RBKS: variants seen among roughly 807,000 people sequenced by gnomAD.
RBKS encodes ribokinase.
A neutral mutation model predicts 33.9 loss-of-function variants in RBKS; 33 were observed. The ratio of observed to expected loss-of-function variants is 0.97; its 90% CI spans 0.74 to 1.30. RBKS has a LOEUF of 1.30. RBKS is among the 50% of genes most tolerant of loss of function. The pLI is 0.00. For synonymous variants in RBKS, 125 were observed against 143.0 expected (o/e 0.87, Z 0.90); for missense variants, 361 against 392.6 (o/e 0.92, Z 0.68).
intron 1 of RBKS, among the ~76,000 whole-genome samples, chr2:27,862,641 T>G (rs925660840): frequency 3.6e-4 from 55 of 152,064 alleles, no homozygotes; most frequent in African/African-American, 1.3e-3. Flanking sequence ...GTCAAATACC[T>G]TTGTATACGC....
At chr2:27,858,144 T>C (rs1330117926) in intron 2 of RBKS, among the ~76,000 whole-genome samples, 1 of 152,148 alleles carries the variant, frequency 6.6e-6, no homozygotes, top group Non-Finnish European at 1.5e-5. Context: ...TTATATGAAA[T>C]GTCCCGAATA....
chr2:27,866,282 A>G (rs1405304121), intron 1 of RBKS, among the ~76,000 whole-genome samples: 1 of 152,142 alleles, frequency 6.6e-6, no homozygotes, highest in African/African-American at 2.4e-5. Flanking sequence ...TCTGCAATCA[A>G]TCTTTGTTCC....
At chr2:27,867,519 G>T (rs1664125568) in intron 1 of RBKS, among the ~76,000 whole-genome samples, 1 of 152,038 alleles carries the variant, frequency 6.6e-6, no homozygotes, top group South Asian at 2.1e-4. Context: ...GACGAAAAGG[G>T]GCACATCCTT....
chr2:27,867,851 A>G (rs1030782379), intron 1 of RBKS, among the ~76,000 whole-genome samples: 3 of 152,198 alleles, frequency 2.0e-5, no homozygotes, highest in African/African-American at 7.2e-5. Context: ...TATGTGTACA[A>G]GAACTGGAAA....
At chr2:27,827,052 A>G (rs2148202256) in intron 7 of RBKS, among the ~76,000 whole-genome samples, 1 of 152,372 alleles carries the variant, frequency 6.6e-6, no homozygotes, top group Non-Finnish European at 1.5e-5. Context: ...AGCATGCAGT[A>G]AATGTTAGCT....
intron 5 of RBKS, among the ~76,000 whole-genome samples, chr2:27,838,898 A>G (rs1468347200): frequency 6.6e-6 from 1 of 152,222 alleles, no homozygotes; most frequent in African/African-American, 2.4e-5. Context: ...AATAATGTCA[A>G]TAAGGAACTG....
chr2:27,855,431 T>C (rs1336724939), intron 2 of RBKS, among the ~76,000 whole-genome samples: 1 of 152,230 alleles, frequency 6.6e-6, no homozygotes, highest in Non-Finnish European at 1.5e-5. Flanking sequence ...AGTTCCTTAC[T>C]TGACCATGGT....
At chr2:27,829,363 GT>G (rs35216618) in intron 6 of RBKS, among the ~76,000 whole-genome samples, 324 of 107,354 alleles carry the variant, frequency 3.0e-3, no homozygotes, top group African/African-American at 9.2e-3. Flanking sequence ...GCTTTTCAGT[GT>G]TTTTTTTTTT....
intron 1 of RBKS, chr2:27,861,345 A>C: frequency 2.5e-6 from 1 of 403,038 alleles, no homozygotes; most frequent in Non-Finnish European, 5.2e-6. Context: ...GGTGTTGATT[A>C]GGGAAGCAGG....
intron 7 of RBKS, among the ~76,000 whole-genome samples, chr2:27,808,946 G>T (rs1677941046): frequency 1.3e-5 from 2 of 152,118 alleles, no homozygotes; most frequent in African/African-American, 4.8e-5. Flanking sequence ...TTCACCCCAG[G>T]AATGGGAACT....
intron 7 of RBKS, among the ~76,000 whole-genome samples, chr2:27,783,831 C>T (rs1401277038): frequency 1.4e-5 from 2 of 145,258 alleles, no homozygotes; most frequent in East Asian, 2.2e-4. Context: ...GGCCTGAACC[C>T]GGGAGGTGGA....
Position 27,837,158 on chromosome 2 carries a change from C to T in RBKS, c.515-4381G>A, listed in dbSNP as rs1432830749. ...GCATGGTGGCAGGTGCCTGTAGTCC[C>T]AGCTACTCGGGAGGCTGAGGCAGGA... is the stretch of plus-strand genomic sequence containing the variant. On this transcript the variant is annotated intron_variant, in intron 5 of 7. Transcript: ENST00000302188. This position sits in a 1 kb window ranked among gnomAD's most constrained non-coding sequence, Gnocchi z 4.0. Among the ~76,000 whole-genome samples the T allele has an allele frequency of 6.6e-6, 1 of 152,004 alleles. No homozygotes were observed. The highest frequency in any genetic ancestry group is 1.5e-5 in the Non-Finnish European group (1 of 68,020).
chr2:27,839,547 C>G (rs1345201629), intron 5 of RBKS, among the ~76,000 whole-genome samples: 1 of 152,014 alleles, frequency 6.6e-6, no homozygotes, highest in Admixed American at 6.6e-5. Context: ...AGTTTTGAGA[C>G]AGTATATTCA....
At chr2:27,828,407 A>G (rs1218280314) in intron 6 of RBKS, among the ~76,000 whole-genome samples, 1 of 152,254 alleles carries the variant, frequency 6.6e-6, no homozygotes. Flanking sequence ...ACCTAAGGAC[A>G]TAATTCTTCC....
At chr2:27,818,418 G>A (rs1678139089) in intron 7 of RBKS, among the ~76,000 whole-genome samples, 1 of 152,212 alleles carries the variant, frequency 6.6e-6, no homozygotes, top group Non-Finnish European at 1.5e-5. Context: ...TAGGCAGACT[G>A]TCACCAAATC....
At chr2:27,878,062 C>G (rs192629657) in intron 1 of RBKS, among the ~76,000 whole-genome samples, 37 of 150,524 alleles carry the variant, frequency 2.5e-4, no homozygotes, top group South Asian at 1.7e-3. Flanking sequence ...TTAAGTTTTA[C>G]GGTACATGTG....
chr2:27,801,987 TATA>T (rs1422241849), intron 7 of RBKS, among the ~76,000 whole-genome samples: 3 of 97,142 alleles, frequency 3.1e-5, no homozygotes, highest in Admixed American at 1.1e-4. Context: ...TATATATATA[TATA>T]TATTTTTTTT....
chr2:27,888,718 A>C (rs979423449), intron 1 of RBKS, among the ~76,000 whole-genome samples: 1 of 152,226 alleles, frequency 6.6e-6, no homozygotes, highest in African/African-American at 2.4e-5. Context: ...GATGTCTGCA[A>C]ACTATGGCCT....
At chr2:27,789,557 C>A (rs994493307) in intron 7 of RBKS, among the ~76,000 whole-genome samples, 1 of 151,644 alleles carries the variant, frequency 6.6e-6, no homozygotes, top group Non-Finnish European at 1.5e-5. Flanking sequence ...TGCCACCACA[C>A]CTGGCCTTTT....
Sources: gnomAD v4.1 joint callset for allele counts (sites outside exome capture counted in the v4.1 genomes callset) on GRCh38, gnomAD v4.1.1 for gene constraint, Gnocchi (gnomAD v3.1) non-coding constraint, MANE v1.5 for transcripts, NCBI Gene and HGNC (gene_info 2026-07-23, HGNC 2026-07-21) for gene names.